Variants in FAM83D observed in about 807,000 individuals in gnomAD.
FAM83D encodes protein FAM83D.
In FAM83D, 26 loss-of-function variants were observed where a neutral mutation model predicts 25.4. That is an observed-to-expected ratio of 1.02 (90% CI 0.75 to 1.42). The LOEUF (loss-of-function observed/expected upper bound fraction) is 1.42, where lower values mean the gene tolerates loss of function less well. Ranked by LOEUF, FAM83D falls within the 40% of genes most tolerant of loss-of-function variation. The probability of loss-of-function intolerance (pLI) is 0.00; values close to 1 mark genes in which losing one functional copy is unlikely to be tolerated. For missense variants in FAM83D, 740 were observed against 758.1 expected, an observed-to-expected ratio of 0.98 and a Z score of 0.28; for synonymous variants, 310 against 318.5, an observed-to-expected ratio of 0.97 and a Z score of 0.28.
chr20:38,946,846 T>C (rs1041133611), intron 2 of FAM83D, among the ~76,000 whole-genome samples: 2 of 152,250 alleles, frequency 1.3e-5, no homozygotes, highest in African/African-American at 4.8e-5. Context: ...TTTTGTCTGT[T>C]ATGAATAAAG....
At position 38,926,471 on chromosome 20, in the gene FAM83D, A is replaced by G; in HGVS notation, c.29A>G (p.Glu10Gly). 1 of 1,597,312 alleles carries G rather than the reference A, an allele frequency of 6.3e-7. No homozygotes were observed. The highest frequency in any genetic ancestry group is 8.5e-7 in the Non-Finnish European group (1 of 1,178,386). ...GCTCTGCTGTCCGAGGGCCTGGACG[A>G]GGTGCCCGCCGCCTGCCTGTCGCCG... The part of the protein sequence containing the change: MALLSEGLD[E>G]VPAACLSPCG... Residue 10 changes from glutamate to glycine, a missense_variant, in exon 1 of 4, where the codon GAG (glutamate) becomes GGG (glycine). Physicochemically the swap from Glu to Gly is moderately conservative, Grantham distance 98. Around this residue, in one of 3 missense-constraint regions of FAM83D, gnomAD observed 333 missense variants for 298.6 expected, o/e 1.12. Transcript: ENST00000619850.
Position 38,952,262 on chromosome 20 carries a change from T to C in FAM83D, c.1500T>C (p.Thr500=). ...GTTCTCCCGCTTCCATCAGAACCAC[T>C]GACTTCCACAATCCTGGCTATCCCA... ...STGSPASIRT[T]DFHNPGYPKY... is the part of the protein sequence containing the mutation. The change falls in exon 4 of 4, where the codon ACT becomes ACC. Residue 500 remains threonine, a synonymous_variant. Transcript: ENST00000619850. 1 of 1,614,156 alleles carries C rather than the reference T, an allele frequency of 6.2e-7. No individual in the cohort carries two copies. The highest frequency in any genetic ancestry group is 8.5e-7 in the Non-Finnish European group (1 of 1,180,016).
intron 1 of FAM83D, among the ~76,000 whole-genome samples, chr20:38,935,301 C>T (rs374540031): frequency 2.6e-5 from 4 of 152,322 alleles, no homozygotes; most frequent in African/African-American, 4.8e-5. Flanking sequence ...GAAAAGCCCA[C>T]CTGCTTGTGT....
At chr20:38,941,910 G>A (rs1480280896) in intron 1 of FAM83D, 49 bp from the exon 2 acceptor site, 2 of 1,592,174 alleles carry the variant, frequency 1.3e-6, no homozygotes, top group Non-Finnish European at 1.7e-6. Context: ...CGTGCTGTAA[G>A]GTGGTGTCCT....
In FAM83D at chr20:38,952,407, C is replaced by T. The variant is rs2085760420; in HGVS notation, c.1645C>T (p.Leu549=). 1 of 1,614,106 alleles carries T rather than the reference C, an allele frequency of 6.2e-7. No homozygotes were observed. Among genetic ancestry groups the T allele is most frequent in the Non-Finnish European group, 8.5e-7 (1 of 1,180,056 alleles). Residue 549 remains leucine (L), a synonymous_variant, in exon 4 of 4, where the codon CTG becomes TTG. Coordinates refer to ENST00000619850, the MANE Select transcript of FAM83D (RefSeq NM_030919.3). ...RSRLNHMLAM[L]SRRTLFTENH... is the part of the protein sequence containing the mutation. Reference sequence around the variant, plus strand: ...CCGGCTCAACCACATGCTGGCTATGCTGTCAAGGAGAACACTCTTTACTGA... The same window carrying T: ...CCGGCTCAACCACATGCTGGCTATGTTGTCAAGGAGAACACTCTTTACTGA...
chr20:38,952,457 C>A lies in FAM83D; in HGVS notation c.1695C>A (p.Gly565=). The stretch of plus-strand genomic sequence containing the variant: ...AAAACCACCTTGGCCTTCATTCTGG[C>A]AATTTCAGCAGAGTTAATTTGCTTG... ...FTENHLGLHS[G]NFSRVNLLAV... is the part of the protein sequence containing the mutation. Residue 565 remains glycine (G), a synonymous_variant, in exon 4 of 4, where the codon GGC becomes GGA. Coordinates refer to ENST00000619850, the MANE Select transcript of FAM83D (RefSeq NM_030919.3). 6.2e-7 allele frequency: 1 copy of A among 1,614,158 alleles called. No homozygotes were observed. The highest frequency in any genetic ancestry group is 8.5e-7 in the Non-Finnish European group (1 of 1,180,046).
At position 38,926,777 on chromosome 20, in the gene FAM83D, TG is replaced by T; in HGVS notation, c.336del (p.Leu113TrpfsTer50). 1 of 1,547,686 alleles carries T rather than the reference TG, an allele frequency of 6.5e-7. No individual in the cohort carries two copies. Among genetic ancestry groups the T allele is most frequent in the Non-Finnish European group, 8.7e-7 (1 of 1,152,766 alleles). On this transcript the variant is annotated frameshift_variant, in exon 1 of 4. Coordinates refer to ENST00000619850, the MANE Select transcript of FAM83D (RefSeq NM_030919.3). LOFTEE classifies it high-confidence loss of function. ...FPEQSDLEPP[L>X]LELGWPAFYQ... ...GAGCAGTCGGACCTGGAGCCACCGCTGTTGGAGCTTGGCTGGCCCGCCTTCT... is the reference window on the plus strand; with the variant it reads ...GAGCAGTCGGACCTGGAGCCACCGCTTTGGAGCTTGGCTGGCCCGCCTTCT...
chr20:38,929,586 T>G (rs1333418817), intron 1 of FAM83D, among the ~76,000 whole-genome samples: 1 of 151,142 alleles, frequency 6.6e-6, no homozygotes, highest in Non-Finnish European at 1.5e-5. Context: ...GTGCTGAATT[T>G]GAGGTCCCAA....
intron 1 of FAM83D, among the ~76,000 whole-genome samples, chr20:38,936,316 T>C (rs1180787778): frequency 2.0e-5 from 3 of 152,114 alleles, no homozygotes; most frequent in Non-Finnish European, 4.4e-5. Context: ...TGAGTGTGTA[T>C]GAATCACTGA....
intron 1 of FAM83D, among the ~76,000 whole-genome samples, chr20:38,931,461 G>A (rs2085658598): frequency 6.6e-6 from 1 of 152,252 alleles, no homozygotes; most frequent in African/African-American, 2.4e-5. Context: ...GGATCTGTGA[G>A]AATCTTTTGG....
chr20:38,941,011 A>G (rs16987692), intron 1 of FAM83D, among the ~76,000 whole-genome samples: 5 of 152,190 alleles, frequency 3.3e-5, no homozygotes, highest in Admixed American at 2.0e-4. Context: ...CCAGGAATGC[A>G]TGGCTAAAAG....
intron 3 of FAM83D, among the ~76,000 whole-genome samples, chr20:38,948,632 A>C (rs2085739989): frequency 1.3e-5 from 2 of 152,218 alleles, no homozygotes; most frequent in Admixed American, 1.3e-4. Flanking sequence ...ATTTGTACAT[A>C]TGTGGCTCCA....
intron 3 of FAM83D, 92 bp downstream of exon 3, chr20:38,948,092 G>A (rs903546798): frequency 5.5e-6 from 8 of 1,443,232 alleles, no homozygotes; most frequent in Non-Finnish European, 7.5e-6. Flanking sequence ...CTCAATGGGA[G>A]CCTGTATGGC....
intron 1 of FAM83D, among the ~76,000 whole-genome samples, chr20:38,935,801 C>CA (rs2085676431): frequency 1.3e-5 from 2 of 152,290 alleles, no homozygotes; most frequent in African/African-American, 4.8e-5. Context: ...TGCACACAAG[C>CA]AAGTTTAGGT....
intron 2 of FAM83D, among the ~76,000 whole-genome samples, chr20:38,945,575 A>AC (rs1300374182): frequency 6.6e-6 from 1 of 152,170 alleles, no homozygotes; most frequent in Non-Finnish European, 1.5e-5. Context: ...TTACAGACTT[A>AC]TACATTTCCC....
chr20:38,943,021 A>G (rs1484665106), intron 2 of FAM83D, among the ~76,000 whole-genome samples: 2 of 138,870 alleles, frequency 1.4e-5, no homozygotes, highest in Non-Finnish European at 3.1e-5. Context: ...GCACTGCTCC[A>G]TGCTTTTTTT....
chr20:38,942,159 G>A, intron 2 of FAM83D, 33 bp downstream of exon 2: 1 of 1,610,372 alleles, frequency 6.2e-7, no homozygotes, highest in South Asian at 1.1e-5. Flanking sequence ...TTTCACCATA[G>A]TCAACAAATA....
chr20:38,928,725 C>G (rs1601329074), intron 1 of FAM83D, among the ~76,000 whole-genome samples: 1 of 152,148 alleles, frequency 6.6e-6, no homozygotes, highest in African/African-American at 2.4e-5. Context: ...GGGATGGAGC[C>G]AGGAGCTCAG....
rs1259406476 is a variant in FAM83D, at chr20:38,952,527, C to T, written c.*7C>T. ...TTATCCTTCCTATCAGTAACTGCTCCGTGTTCAGACTCCTGGTTTCTTCCA... is the reference window on the plus strand; with the variant it reads ...TTATCCTTCCTATCAGTAACTGCTCTGTGTTCAGACTCCTGGTTTCTTCCA... On this transcript the variant is annotated 3_prime_UTR_variant, in exon 4 of 4. Transcript: ENST00000619850. 8.7e-6 allele frequency: 14 copies of T among 1,605,152 alleles called. No individual in the cohort carries two copies. Among genetic ancestry groups the T allele is most frequent in the South Asian group, 4.4e-5 (4 of 90,234 alleles).
Sources: allele counts gnomAD v4.1 joint callset (sites outside exome capture counted in the v4.1 genomes callset), GRCh38; gene constraint gnomAD v4.1.1; regional missense constraint gnomAD v4.1.1; transcripts MANE v1.5; gene names NCBI Gene and HGNC (gene_info 2026-07-23, HGNC 2026-07-21).